The following APOD variants were observed in gnomAD, a reference collection of about 807,000 sequenced individuals.
APOD encodes the protein apolipoprotein D, also known as apo-D.
APOD carries 22 observed loss-of-function variants against 20.4 expected under a neutral mutation model. That is an observed-to-expected ratio of 1.08 (90% CI 0.77 to 1.54). The LOEUF (loss-of-function observed/expected upper bound fraction) is 1.54, where lower values mean the gene tolerates loss of function less well. APOD is among the 40% of genes most tolerant of loss of function. The pLI, the probability that APOD is intolerant of heterozygous loss-of-function variation, is 0.00. For missense variants in APOD, 223 were observed against 229.6 expected, an observed-to-expected ratio of 0.97 and a Z score of 0.19; for synonymous variants, 97 against 92.4, an observed-to-expected ratio of 1.05 and a Z score of -0.29.
intron 2 of APOD, among the ~76,000 whole-genome samples, chr3:195,575,093 G>A (rs371005715): frequency 6.6e-6 from 1 of 152,216 alleles, no homozygotes; most frequent in Non-Finnish European, 1.5e-5. Flanking sequence ...AGCTCTAGGG[G>A]AGGATCAGTT....
chr3:195,574,994 C>G (rs1274102139), intron 2 of APOD, among the ~76,000 whole-genome samples: 1 of 152,244 alleles, frequency 6.6e-6, no homozygotes, highest in Non-Finnish European at 1.5e-5. Context: ...TCAAACAGCA[C>G]AGATTTATTA....
Position 195,573,965 on chromosome 3 carries a change from C to G in APOD, c.130G>C (p.Gly44Arg). The G allele has an allele frequency of 1.2e-6, 2 of 1,614,032 alleles. No individual in the cohort carries two copies. The highest frequency in any genetic ancestry group is 1.7e-6 in the Non-Finnish European group (2 of 1,179,944). The change falls in exon 3 of 5, where the codon GGA (glycine) becomes CGA (arginine). Residue 44 changes from glycine to arginine, a missense_variant. Transcript: ENST00000343267. ...ATCTTCTCAATTTCGTACCATCTTC[C>G]GAGATACTGCAGAGACAACAAGCAG... The part of the protein sequence containing the change: ...QENFDVNKYL[G>R]RWYEIEKIPT...
At chr3:195,574,614 T>C (rs1486549502) in intron 2 of APOD, among the ~76,000 whole-genome samples, 1 of 152,156 alleles carries the variant, frequency 6.6e-6, no homozygotes, top group Non-Finnish European at 1.5e-5. Flanking sequence ...AGTTTGGCAA[T>C]ATCTAGCAAA....
chr3:195,568,841 G>GTGGGT lies in APOD; in HGVS notation c.*58_*59insACCCA. The GTGGGT allele has an allele frequency of 1.0e-6, 1 of 997,738 alleles. No homozygotes were observed. Among genetic ancestry groups the GTGGGT allele is most frequent in the Non-Finnish European group, 1.5e-6 (1 of 664,592 alleles). The allele number at this position is 997,738 out of a possible 1,614,324, so 61.8% of individuals were successfully genotyped here. ...ATTGGTTTGTCTTTATGGGGGGGGGGTAGGGGAAAGCGAAGCAGAAGTAAC... is the reference window on the plus strand; with the variant it reads ...ATTGGTTTGTCTTTATGGGGGGGGGGTGGGTTAGGGGAAAGCGAAGCAGAAGTAAC... On this transcript the variant is annotated 3_prime_UTR_variant, in exon 5 of 5. Coordinates refer to ENST00000343267, the MANE Select transcript of APOD (RefSeq NM_001647.4).
intron 1 of APOD, among the ~76,000 whole-genome samples, chr3:195,582,109 G>A (rs1720349191): frequency 6.6e-6 from 1 of 152,158 alleles, no homozygotes; most frequent in Non-Finnish European, 1.5e-5. Context: ...CAGGAGAATT[G>A]CTTGAACCCG....
chr3:195,580,651 C>G (rs1446193677), intron 1 of APOD, among the ~76,000 whole-genome samples: 1 of 152,162 alleles, frequency 6.6e-6, no homozygotes, highest in Non-Finnish European at 1.5e-5. Flanking sequence ...GGGATCCACC[C>G]GCCTTGGCCT....
chr3:195,575,878 G>A (rs573075527), intron 2 of APOD, among the ~76,000 whole-genome samples: 23 of 152,076 alleles, frequency 1.5e-4, no homozygotes, highest in South Asian at 1.0e-3. Flanking sequence ...CCCCTGCCTC[G>A]GCCTCCCAAA....
At chr3:195,580,880 G>A (rs151336257) in intron 1 of APOD, among the ~76,000 whole-genome samples, 9 of 152,284 alleles carry the variant, frequency 5.9e-5, no homozygotes, top group African/African-American at 2.2e-4. Flanking sequence ...CAGGTTCTGG[G>A]CATTGGAAGC....
chr3:195,571,299 C>T lies in APOD; in HGVS notation c.312G>A (p.Lys104=). Residue 104 remains lysine (K), a synonymous_variant, in exon 4 of 5, where the codon AAG becomes AAA. Coordinates refer to ENST00000343267, the MANE Select transcript of APOD (RefSeq NM_001647.4). ...ATPVNLTEPA[K]LEVKFSWFMP... is the part of the protein sequence containing the mutation. ...TACACCAGGAAAACTTAACTTCCAGCTTGGCAGGCTCTGTGAGGTTAACTG... is the reference window on the plus strand; with the variant it reads ...TACACCAGGAAAACTTAACTTCCAGTTTGGCAGGCTCTGTGAGGTTAACTG... 1 of 1,614,104 alleles carries T rather than the reference C, an allele frequency of 6.2e-7. No homozygotes were observed. Among genetic ancestry groups the T allele is most frequent in the African/African-American group, 1.3e-5 (1 of 75,024 alleles).
chr3:195,572,405 T>C (rs1577602956), intron 3 of APOD, among the ~76,000 whole-genome samples: 2 of 152,256 alleles, frequency 1.3e-5, no homozygotes, highest in South Asian at 2.1e-4. Flanking sequence ...TCACAATTGA[T>C]GTCACCTGAC....
chr3:195,571,246 C>G (rs1451978186), intron 4 of APOD, 31 bp downstream of exon 4: 3 of 1,600,260 alleles, frequency 1.9e-6, no homozygotes, highest in Non-Finnish European at 2.6e-6. Context: ...TTTCCTGTCC[C>G]TGAATCCTCC....
chr3:195,572,544 C>T (rs1413578252), intron 3 of APOD, among the ~76,000 whole-genome samples: 1 of 152,130 alleles, frequency 6.6e-6, no homozygotes, highest in Non-Finnish European at 1.5e-5. Flanking sequence ...CTCCCAATGG[C>T]CCCATGAACT....
chr3:195,572,323 C>T (rs766599656), intron 3 of APOD, among the ~76,000 whole-genome samples: 18 of 152,204 alleles, frequency 1.2e-4, no homozygotes, highest in Non-Finnish European at 2.1e-4. Context: ...AGTGAAGAAA[C>T]ATTTACTTTA....
chr3:195,581,063 T>C (rs566855207), intron 1 of APOD, among the ~76,000 whole-genome samples: 1 of 152,344 alleles, frequency 6.6e-6, no homozygotes, highest in East Asian at 1.9e-4. Flanking sequence ...GGATGTGTCA[T>C]TACAGGAATA....
At position 195,579,468 on chromosome 3, in the gene APOD, G is replaced by T. The variant is rs1487844354; in HGVS notation, c.-7C>A. The T allele has an allele frequency of 6.2e-7, 1 of 1,611,794 alleles. No individual in the cohort carries two copies. Among genetic ancestry groups the T allele is most frequent in the Non-Finnish European group, 8.5e-7 (1 of 1,179,994 alleles). On this transcript the variant is annotated 5_prime_UTR_variant, in exon 2 of 5. Transcript: ENST00000343267. Reference sequence around the variant, plus strand: ...GCAGCAGCAGCATCACCATCTTGGGGCTGGGTGGCTGGAGAAGGGACCTGG... The same window carrying T: ...GCAGCAGCAGCATCACCATCTTGGGTCTGGGTGGCTGGAGAAGGGACCTGG...
intron 3 of APOD, among the ~76,000 whole-genome samples, chr3:195,572,203 A>T (rs1720172859): frequency 6.6e-6 from 1 of 152,264 alleles, no homozygotes; most frequent in Non-Finnish European, 1.5e-5. Flanking sequence ...CAGTGATATC[A>T]TGTGACATCG....
chr3:195,568,741 G>T lies in APOD; in HGVS notation c.*159C>A. ...TGCGAGCACAGCAGGTCAGCAACAA[G>T]TTTATTTTGCAGCTAGCAAGGTAAC... is the stretch of plus-strand genomic sequence containing the variant. On this transcript the variant is annotated 3_prime_UTR_variant, in exon 5 of 5. Coordinates refer to ENST00000343267, the MANE Select transcript of APOD (RefSeq NM_001647.4). 1.6e-6 allele frequency: 1 copy of T among 622,618 alleles called. No homozygotes were observed. 38.6% of individuals were successfully genotyped at this position (622,618 alleles called of 1,614,324 possible). A position where few individuals can be genotyped will look rare whatever the true frequency, so the allele number is the denominator to read the frequency against.
At chr3:195,575,413 C>T (rs144899946) in intron 2 of APOD, among the ~76,000 whole-genome samples, 180 of 152,258 alleles carry the variant, frequency 1.2e-3, no homozygotes, top group Non-Finnish European at 2.2e-3. Context: ...GGCGTGGACA[C>T]CTTTGGAAGC....
At chr3:195,570,034 C>T (rs1341741751) in intron 4 of APOD, among the ~76,000 whole-genome samples, 4 of 152,112 alleles carry the variant, frequency 2.6e-5, no homozygotes, top group South Asian at 2.1e-4. Flanking sequence ...CTCCTGACTT[C>T]GTGATATGCC....
Sources: gnomAD v4.1 joint callset for allele counts (sites outside exome capture counted in the v4.1 genomes callset) on GRCh38, gnomAD v4.1.1 for gene constraint, MANE v1.5 for transcripts, NCBI Gene and HGNC (gene_info 2026-07-23, HGNC 2026-07-21) for gene names.